Variants in ATP11A observed in about 807,000 individuals in gnomAD.
ATP11A encodes ATPase phospholipid transporting 11A.
A neutral mutation model predicts 154.4 loss-of-function variants in ATP11A; 81 were observed. That is an observed-to-expected ratio of 0.52 (90% CI 0.44 to 0.63). ATP11A has a LOEUF of 0.63. ATP11A is among the 30% of genes least tolerant of loss of function. The pLI is 0.00. For missense variants in ATP11A, 1,316 were observed against 1,474.3 expected, an observed-to-expected ratio of 0.89 and a Z score of 1.76; for synonymous variants, 623 against 585.9, an observed-to-expected ratio of 1.06 and a Z score of -0.91.
intron 29 of ATP11A, 115 bp from the exon 30 acceptor site, chr13:112,881,761 C>T (rs2080890809): frequency 7.4e-7 from 1 of 1,345,104 alleles, no homozygotes; most frequent in South Asian, 1.2e-5. Context: ...CAGGTCACCC[C>T]AGGCAGCCCC....
Position 112,724,835 on chromosome 13 carries a change from G to A in ATP11A, c.39+34380G>A, listed in dbSNP as rs182843483. On this transcript the variant is annotated intron_variant, in intron 1 of 29. Coordinates refer to ENST00000375645, the MANE Select transcript of ATP11A (RefSeq NM_015205.3). The stretch of plus-strand genomic sequence containing the variant: ...AGGGTCCTGAAGCATGCTGGGCACC[G>A]GAACAGAGGCCAGGTGTGTTCCTCA... 5.3e-5 allele frequency among the ~76,000 whole-genome samples: 8 copies of A among 152,284 alleles called. No homozygotes were observed. In the East Asian group the frequency reaches 9.7e-4, roughly 18 times the overall value.
intron 1 of ATP11A, among the ~76,000 whole-genome samples, chr13:112,723,131 G>T (rs540449773): frequency 5.9e-5 from 9 of 151,896 alleles, no homozygotes; most frequent in Non-Finnish European, 8.8e-5. Flanking sequence ...CATCTGTAAT[G>T]GCACTGGGCC....
At chr13:112,806,895 G>A (rs2078337613) in intron 4 of ATP11A, among the ~76,000 whole-genome samples, 2 of 152,186 alleles carry the variant, frequency 1.3e-5, no homozygotes, top group African/African-American at 4.8e-5. Flanking sequence ...CATAGGCGGT[G>A]TTTTGTGACT....
At chr13:112,711,632 C>T (rs778337115) in intron 1 of ATP11A, among the ~76,000 whole-genome samples, 2 of 152,164 alleles carry the variant, frequency 1.3e-5, no homozygotes, top group Non-Finnish European at 2.9e-5. Context: ...GACATCCCGT[C>T]AGCGGGCACC....
At chr13:112,792,403 A>G (rs1000939845) in intron 2 of ATP11A, among the ~76,000 whole-genome samples, 18 of 152,194 alleles carry the variant, frequency 1.2e-4, no homozygotes, top group African/African-American at 2.7e-4. Flanking sequence ...TAATGTATCT[A>G]TGTTTTCCTG....
Position 112,785,696 on chromosome 13 carries a change from G to T in ATP11A, c.162+439G>T, listed in dbSNP as rs1049820883. Among the ~76,000 whole-genome samples the T allele has an allele frequency of 2.0e-5, 3 of 152,190 alleles. No individual in the cohort carries two copies. The highest frequency in any genetic ancestry group is 7.2e-5 in the African/African-American group (3 of 41,454). On this transcript the variant is annotated intron_variant, in intron 2 of 29. Transcript: ENST00000375645. The surrounding 1 kb of genome is among the most constrained non-coding windows in gnomAD (Gnocchi z 4.8). ...CAGGCTGGACAGCAAAACCTGGGGG[G>T]AAATCTTTGAGCTTGTTCACGAGGT...
rs367618974 is a variant in ATP11A, at chr13:112,785,265, G to A, written c.162+8G>A. 5 of 1,503,148 alleles carry A rather than the reference G, an allele frequency of 3.3e-6. No homozygotes were observed. In the East Asian group the frequency reaches 7.7e-5, roughly 23 times the overall value. 93.1% of individuals were successfully genotyped at this position (1,503,148 alleles called of 1,614,324 possible). A position where few individuals can be genotyped will look rare whatever the true frequency, so the allele number is the denominator to read the frequency against. ...AGGATCGTCTCGTCCAAGGTAACTT[G>A]GCTTGGGTCTGAGTGTCCATAATGT... On this transcript the variant is annotated splice_region_variant and intron_variant, in intron 2 of 29. Coordinates refer to ENST00000375645, the MANE Select transcript of ATP11A (RefSeq NM_015205.3). The surrounding 1 kb of genome is among the most constrained non-coding windows in gnomAD (Gnocchi z 4.8).
In ATP11A at chr13:112,810,446, G is replaced by A. The variant is rs188865254; in HGVS notation, c.334-173G>A. 3.4e-3 allele frequency among the ~76,000 whole-genome samples: 519 copies of A among 152,308 alleles called. 8 individuals are homozygous for A. Among genetic ancestry groups the A allele is most frequent in the Non-Finnish European group, 4.7e-3 (322 of 68,030 alleles). The stretch of plus-strand genomic sequence containing the variant: ...AGCTCGCGTTGCCATGGAACATGCC[G>A]ATGCTCTGTCAAGGATAGTGTGTGT... On this transcript the variant is annotated intron_variant, in intron 4 of 29. Transcript: ENST00000375645.
chr13:112,813,283 C>T (rs2078554102), intron 5 of ATP11A, among the ~76,000 whole-genome samples: 2 of 152,182 alleles, frequency 1.3e-5, no homozygotes, highest in Non-Finnish European at 2.9e-5. Flanking sequence ...AAAACACAGG[C>T]ATCCTGTGTT....
chr13:112,714,364 C>T (rs1594384163), intron 1 of ATP11A, among the ~76,000 whole-genome samples: 2 of 152,132 alleles, frequency 1.3e-5, no homozygotes, highest in Non-Finnish European at 2.9e-5. Flanking sequence ...TGGGAACCCA[C>T]GTCTCTGCAG....
chr13:112,770,513 G>A (rs2077200164), intron 1 of ATP11A, among the ~76,000 whole-genome samples: 1 of 152,244 alleles, frequency 6.6e-6, no homozygotes, highest in African/African-American at 2.4e-5. Context: ...CAGTGGCTCG[G>A]ACCAAGGAGG....
chr13:112,840,168 C>G (rs71446655), intron 16 of ATP11A, among the ~76,000 whole-genome samples: 4,018 of 50,094 alleles, frequency 0.08, 519 homozygotes, highest in East Asian at 0.16. Context: ...ACTCTCCCAT[C>G]CCCCCCAGCC....
rs1362733363 is a variant in ATP11A at position 112,885,354 on chromosome 13, GCA to G, written c.*3492_*3493del. 2.0e-5 allele frequency: 3 copies of G among 150,602 alleles called. No individual in the cohort carries two copies. The highest frequency in any genetic ancestry group is 3.0e-5 in the Non-Finnish European group (2 of 67,730). The allele number at this position is 150,602 out of a possible 1,614,324, so 9.3% of individuals were successfully genotyped here. ...CTACTGCACACATGCACACACACAC[GCA>G]CACGTACATTCACTACAAACGTGCA... is the stretch of plus-strand genomic sequence containing the variant. On this transcript the variant is annotated 3_prime_UTR_variant, in exon 30 of 30. Coordinates refer to ENST00000375645, the MANE Select transcript of ATP11A (RefSeq NM_015205.3).
At chr13:112,824,715 C>T (rs1383880790) in intron 10 of ATP11A, among the ~76,000 whole-genome samples, 1 of 152,228 alleles carries the variant, frequency 6.6e-6, no homozygotes, top group Non-Finnish European at 1.5e-5. Flanking sequence ...CAGCTCCTCT[C>T]ACCATTTCAT....
At position 112,711,112 on chromosome 13, in the gene ATP11A, G is replaced by A. The variant is rs1047326087; in HGVS notation, c.39+20657G>A. On this transcript the variant is annotated intron_variant, in intron 1 of 29. Coordinates refer to ENST00000375645, the MANE Select transcript of ATP11A (RefSeq NM_015205.3). ...AAGGAGGCAGGATCCCAGGGGACCC[G>A]TCCTGCGTGCTGACACTTTACCACG... 1.6e-4 allele frequency among the ~76,000 whole-genome samples: 25 copies of A among 152,328 alleles called. No homozygotes were observed. The East Asian group carries it at 4.1e-3, about 25-fold the overall frequency.
chr13:112,779,992 A>T (rs2077459250), intron 1 of ATP11A, among the ~76,000 whole-genome samples: 1 of 152,192 alleles, frequency 6.6e-6, no homozygotes, highest in African/African-American at 2.4e-5. Flanking sequence ...AACCAAAGGC[A>T]AGCTGAAAAT....
rs543698572 is a variant in ATP11A at position 112,852,694 on chromosome 13, A to C, written c.1991+1476A>C. Among the ~76,000 whole-genome samples the C allele has an allele frequency of 8.1e-5, 12 of 149,000 alleles. No homozygotes were observed. In the Admixed American group the frequency reaches 8.2e-4, roughly 10 times the overall value. ...GGAGGAGCGTGGGGATGCCTCCGGC[A>C]GAGCAGATGGGACAGAGCCCCTGGG... On this transcript the variant is annotated intron_variant, in intron 18 of 29. Coordinates refer to ENST00000375645, the MANE Select transcript of ATP11A (RefSeq NM_015205.3).
rs732605 is a variant in ATP11A, at chr13:112,731,246, G to A, written c.39+40791G>A. Among the ~76,000 whole-genome samples the A allele has an allele frequency of 2.6e-5, 4 of 152,180 alleles. No homozygotes were observed. In the South Asian group the frequency reaches 6.2e-4, roughly 24 times the overall value. ...AGCCTCCCAAAGTGCTGGGATTACAGGCATGAGCTACTGTGTCCGGCCTCC... is the reference window on the plus strand; with the variant it reads ...AGCCTCCCAAAGTGCTGGGATTACAAGCATGAGCTACTGTGTCCGGCCTCC... On this transcript the variant is annotated intron_variant, in intron 1 of 29. Coordinates refer to ENST00000375645, the MANE Select transcript of ATP11A (RefSeq NM_015205.3).
Position 112,785,396 on chromosome 13 carries a change from C to A in ATP11A, c.162+139C>A. 1 of 1,032,278 alleles carries A rather than the reference C, an allele frequency of 9.7e-7. No individual in the cohort carries two copies. The highest frequency in any genetic ancestry group is 1.3e-6 in the Non-Finnish European group (1 of 779,516). 63.9% of individuals were successfully genotyped at this position (1,032,278 alleles called of 1,614,324 possible). A position where few individuals can be genotyped will look rare whatever the true frequency, so the allele number is the denominator to read the frequency against. On this transcript the variant is annotated intron_variant, in intron 2 of 29. Coordinates refer to ENST00000375645, the MANE Select transcript of ATP11A (RefSeq NM_015205.3). This position sits in a 1 kb window ranked among gnomAD's most constrained non-coding sequence, Gnocchi z 4.8. ...CACCAGCCACCCCCAGCAAGGGCTT[C>A]GGATCAGGACCTCACCGAGGGCGCT...
Sources: gnomAD v4.1 joint callset for allele counts (sites outside exome capture counted in the v4.1 genomes callset) on GRCh38, gnomAD v4.1.1 for gene constraint, Gnocchi (gnomAD v3.1) non-coding constraint, MANE v1.5 for transcripts, NCBI Gene and HGNC (gene_info 2026-07-23, HGNC 2026-07-21) for gene names.